SEMA5A: variants seen among roughly 807,000 people sequenced by gnomAD.
The protein encoded by SEMA5A is semaphorin-5A.
SEMA5A carries 55 observed loss-of-function variants against 135.5 expected under a neutral mutation model. That is an observed-to-expected ratio of 0.41 (90% CI 0.33 to 0.51). The LOEUF (loss-of-function observed/expected upper bound fraction) is 0.51, where lower values mean the gene tolerates loss of function less well. SEMA5A is among the 20% of genes least tolerant of loss of function. The pLI is 0.37. For missense variants in SEMA5A, 1,290 were observed against 1,419.9 expected (o/e 0.91, Z 1.47); for synonymous variants, 580 against 546.5 (o/e 1.06, Z -0.85).
intron 17 of SEMA5A, among the ~76,000 whole-genome samples, chr5:9,065,141 T>C (rs753711065): frequency 4.9e-4 from 74 of 152,234 alleles, no homozygotes; most frequent in Non-Finnish European, 6.2e-4. Context: ...GCTTGGGTAA[T>C]CACTGAACTA....
At chr5:9,130,069 C>A (rs1741323225) in intron 13 of SEMA5A, among the ~76,000 whole-genome samples, 1 of 152,146 alleles carries the variant, frequency 6.6e-6, no homozygotes, top group Admixed American at 6.5e-5. Flanking sequence ...TAGGAAATAG[C>A]AGGTTTCCAA....
In SEMA5A at chr5:9,042,843, G is replaced by C; in HGVS notation, c.*54C>G. Reference sequence around the variant, plus strand: ...GCCTCAGAAACATGGGCAGTCATGGGGCACAGGCCTTGAGGAACTGGGGAT... The same window carrying C: ...GCCTCAGAAACATGGGCAGTCATGGCGCACAGGCCTTGAGGAACTGGGGAT... On this transcript the variant is annotated 3_prime_UTR_variant, in exon 23 of 23. Transcript: ENST00000382496. 1 of 1,606,214 alleles carries C rather than the reference G, an allele frequency of 6.2e-7. No homozygotes were observed. Among genetic ancestry groups the C allele is most frequent in the Non-Finnish European group, 8.5e-7 (1 of 1,174,046 alleles).
At chr5:9,427,514 T>C (rs1757701911) in intron 2 of SEMA5A, among the ~76,000 whole-genome samples, 1 of 152,308 alleles carries the variant, frequency 6.6e-6, no homozygotes, top group East Asian at 1.9e-4. Context: ...AGAACTAACA[T>C]GGGAAATGTG....
intron 1 of SEMA5A, among the ~76,000 whole-genome samples, chr5:9,540,712 T>A (rs2126387410): frequency 6.6e-6 from 1 of 152,324 alleles, no homozygotes; most frequent in Non-Finnish European, 1.5e-5. Context: ...GTTTACAGGA[T>A]GCCCAACCAT....
intron 5 of SEMA5A, among the ~76,000 whole-genome samples, chr5:9,283,817 T>C (rs1750659621): frequency 6.6e-6 from 1 of 152,192 alleles, no homozygotes; most frequent in African/African-American, 2.4e-5. Context: ...TGTTCAGTAT[T>C]AGATACATAG....
intron 4 of SEMA5A, among the ~76,000 whole-genome samples, chr5:9,318,722 G>A (rs1752497016): frequency 6.6e-6 from 1 of 152,124 alleles, no homozygotes; most frequent in Admixed American, 6.6e-5. Flanking sequence ...AAAAGGACAT[G>A]GGCATTCCAT....
At chr5:9,100,627 G>A (rs111656645) in intron 16 of SEMA5A, among the ~76,000 whole-genome samples, 4 of 152,106 alleles carry the variant, frequency 2.6e-5, no homozygotes, top group African/African-American at 7.2e-5. Flanking sequence ...TGCTGCTGTC[G>A]ACATATAAAA....
At chr5:9,067,909 A>T (rs1737564165) in intron 16 of SEMA5A, among the ~76,000 whole-genome samples, 1 of 152,028 alleles carries the variant, frequency 6.6e-6, no homozygotes, top group African/African-American at 2.4e-5. Flanking sequence ...CAAAATGATG[A>T]TTGAAATATT....
chr5:9,429,505 A>G (rs1318123429), intron 2 of SEMA5A, among the ~76,000 whole-genome samples: 1 of 152,242 alleles, frequency 6.6e-6, no homozygotes, highest in Non-Finnish European at 1.5e-5. Flanking sequence ...GATAAACAAA[A>G]TATCTCATGT....
At chr5:9,496,392 T>C (rs905091764) in intron 1 of SEMA5A, among the ~76,000 whole-genome samples, 1 of 152,196 alleles carries the variant, frequency 6.6e-6, no homozygotes. Flanking sequence ...TAATGAAGAA[T>C]GTATAATTGT....
chr5:9,512,399 C>T (rs891979404), intron 1 of SEMA5A, among the ~76,000 whole-genome samples: 4 of 152,148 alleles, frequency 2.6e-5, no homozygotes, highest in African/African-American at 9.7e-5. Flanking sequence ...CGTTACTTTT[C>T]AAATGAAGAA....
chr5:9,080,201 C>T (rs530994167), intron 16 of SEMA5A, among the ~76,000 whole-genome samples: 21 of 152,150 alleles, frequency 1.4e-4, no homozygotes, highest in African/African-American at 3.4e-4. Flanking sequence ...ATATACACCG[C>T]GGAATACTAT....
intron 13 of SEMA5A, among the ~76,000 whole-genome samples, chr5:9,127,480 G>A (rs1741178891): frequency 6.6e-6 from 1 of 152,086 alleles, no homozygotes; most frequent in Non-Finnish European, 1.5e-5. Context: ...TGGGAATAAT[G>A]GCATGGAGAT....
chr5:9,455,249 A>AT (rs1439288818), intron 1 of SEMA5A, among the ~76,000 whole-genome samples: 51 of 137,496 alleles, frequency 3.7e-4, no homozygotes, highest in East Asian at 3.2e-3. Flanking sequence ...ATTTTATTTT[A>AT]TTTATTTATT....
intron 6 of SEMA5A, among the ~76,000 whole-genome samples, chr5:9,235,106 C>A (rs1203453240): frequency 6.6e-6 from 1 of 152,122 alleles, no homozygotes; most frequent in East Asian, 1.9e-4. Context: ...AAATTATGGA[C>A]TTCCAGACTA....
At chr5:9,425,143 C>A (rs1171389549) in intron 2 of SEMA5A, among the ~76,000 whole-genome samples, 1 of 152,210 alleles carries the variant, frequency 6.6e-6, no homozygotes, top group Non-Finnish European at 1.5e-5. Flanking sequence ...CCACTACACA[C>A]AAACCAATCC....
At chr5:9,196,765 C>T (rs992378195) in intron 10 of SEMA5A, among the ~76,000 whole-genome samples, 10 of 152,192 alleles carry the variant, frequency 6.6e-5, no homozygotes, top group Non-Finnish European at 1.0e-4. Flanking sequence ...TGCCAATTAG[C>T]GCTCTAATCC....
At chr5:9,410,027 G>GA (rs1429638441) in intron 2 of SEMA5A, among the ~76,000 whole-genome samples, 7 of 152,052 alleles carry the variant, frequency 4.6e-5, no homozygotes, top group South Asian at 4.2e-4. Context: ...AATTTGATGG[G>GA]AAAAAATCTC....
intron 3 of SEMA5A, among the ~76,000 whole-genome samples, chr5:9,379,189 C>T (rs1755488288): frequency 6.6e-6 from 1 of 152,168 alleles, no homozygotes; most frequent in African/African-American, 2.4e-5. Flanking sequence ...TACAATGTCT[C>T]ATTCATCATA....
Sources: gnomAD v4.1 joint callset for allele counts (sites outside exome capture counted in the v4.1 genomes callset) on GRCh38, gnomAD v4.1.1 for gene constraint, MANE v1.5 for transcripts, NCBI Gene and HGNC (gene_info 2026-07-23, HGNC 2026-07-21) for gene names.